Variants in ARL15 observed in about 807,000 individuals in gnomAD.
The protein encoded by ARL15 is ADP-ribosylation factor-like protein 15.
ARL15 carries 19 observed loss-of-function variants against 25.2 expected under a neutral mutation model. That is an observed-to-expected ratio of 0.75 (90% CI 0.53 to 1.10). The LOEUF (loss-of-function observed/expected upper bound fraction) is 1.10. Ranked by LOEUF, ARL15 falls within the 50% of genes least tolerant of loss-of-function variation. ARL15 has a pLI of 0.00. For synonymous variants in ARL15, 94 were observed against 86.8 expected (o/e 1.08, Z -0.46); for missense variants, 220 against 246.0 (o/e 0.89, Z 0.71).
At chr5:54,153,667 C>T (rs1310246863) in intron 3 of ARL15, among the ~76,000 whole-genome samples, 2 of 152,140 alleles carry the variant, frequency 1.3e-5, no homozygotes, top group Non-Finnish European at 2.9e-5. Flanking sequence ...CTGTCCTACA[C>T]ATAGCGAACT....
intron 1 of ARL15, among the ~76,000 whole-genome samples, chr5:54,297,889 C>T (rs35950): frequency 0.67 from 101,676 of 151,924 alleles, 34,835 homozygotes; most frequent in Non-Finnish European, 0.75. Context: ...TTCACGCCAT[C>T]CTCCTGCCTC....
intron 1 of ARL15, among the ~76,000 whole-genome samples, chr5:54,298,902 T>TC (rs1554053782): frequency 6.6e-6 from 1 of 151,176 alleles, no homozygotes; most frequent in African/African-American, 2.4e-5. Context: ...GGTTTTTTTT[T>TC]CCTTTGCATT....
chr5:54,291,046 G>A (rs575888915), intron 1 of ARL15, among the ~76,000 whole-genome samples: 5 of 152,308 alleles, frequency 3.3e-5, no homozygotes, highest in South Asian at 2.1e-4. Flanking sequence ...ACAGGAGAAC[G>A]TGGTCTAACA....
chr5:54,095,090 G>A (rs1369164069), intron 4 of ARL15, among the ~76,000 whole-genome samples: 1 of 152,094 alleles, frequency 6.6e-6, no homozygotes, highest in Non-Finnish European at 1.5e-5. Flanking sequence ...GGCTTGCATA[G>A]GACAGGGAAA....
At chr5:54,053,237 CAACAAACAACAACAA>C (rs1272815894) in intron 4 of ARL15, among the ~76,000 whole-genome samples, 2 of 151,666 alleles carry the variant, frequency 1.3e-5, no homozygotes, top group Non-Finnish European at 2.9e-5. Flanking sequence ...ACAACAACAA[CAACAAACAACAACAA>C]AACAAACAAA....
chr5:53,909,566 C>T (rs1323215081), intron 4 of ARL15, among the ~76,000 whole-genome samples: 12 of 152,196 alleles, frequency 7.9e-5, no homozygotes, highest in South Asian at 4.1e-4. Context: ...ATTAGCTGGG[C>T]GTGGTGGCGC....
Position 54,238,753 on chromosome 5 carries a change from A to C in ARL15, c.49-66825T>G, listed in dbSNP as rs77031187. On this transcript the variant is annotated intron_variant, in intron 1 of 4. Transcript: ENST00000504924. Reference sequence around the variant, plus strand: ...AACAGATCAGGTTGTTGTAATAAAGAATGTAATCAACTCATTTCATGAGCT... The same window carrying C: ...AACAGATCAGGTTGTTGTAATAAAGCATGTAATCAACTCATTTCATGAGCT... Among the ~76,000 whole-genome samples, 955 of 152,344 alleles carry C rather than the reference A, an allele frequency of 6.3e-3. 8 individuals are homozygous for C. The highest frequency in any genetic ancestry group is 0.022 in the African/African-American group (917 of 41,574).
At chr5:53,900,270 G>T (rs896722580) in intron 4 of ARL15, among the ~76,000 whole-genome samples, 2 of 152,192 alleles carry the variant, frequency 1.3e-5, no homozygotes, top group Non-Finnish European at 2.9e-5. Flanking sequence ...CAAGAAAACT[G>T]CAGGTGTGAT....
intron 1 of ARL15, among the ~76,000 whole-genome samples, chr5:54,279,255 AT>A (rs34236642): frequency 6.7e-5 from 10 of 150,288 alleles, no homozygotes; most frequent in South Asian, 2.1e-4. Flanking sequence ...ATTTACAAGA[AT>A]TTTTTTTTTC....
At chr5:54,253,755 TA>T (rs1196388059) in intron 1 of ARL15, among the ~76,000 whole-genome samples, 1 of 152,100 alleles carries the variant, frequency 6.6e-6, no homozygotes, top group African/African-American at 2.4e-5. Flanking sequence ...CACGTCCAGC[TA>T]ATTTTCCCAT....
intron 4 of ARL15, among the ~76,000 whole-genome samples, chr5:53,935,220 T>C (rs1032086710): frequency 6.6e-6 from 1 of 152,200 alleles, no homozygotes; most frequent in African/African-American, 2.4e-5. Flanking sequence ...AACATACTCA[T>C]AGCCTAACAC....
intron 1 of ARL15, among the ~76,000 whole-genome samples, chr5:54,222,208 T>C (rs948593737): frequency 1.3e-5 from 2 of 152,208 alleles, no homozygotes; most frequent in African/African-American, 4.8e-5. Context: ...TTAAAGAATA[T>C]ATTTAAGAAT....
intron 3 of ARL15, among the ~76,000 whole-genome samples, chr5:54,141,457 A>G (rs1753779931): frequency 6.6e-6 from 1 of 152,160 alleles, no homozygotes; most frequent in Non-Finnish European, 1.5e-5. Context: ...TCCACAAAAC[A>G]CAATTTCAAC....
chr5:53,889,853 C>T (rs1744658019), intron 4 of ARL15, among the ~76,000 whole-genome samples: 1 of 145,586 alleles, frequency 6.9e-6, no homozygotes, highest in Non-Finnish European at 1.5e-5. Context: ...GCTCTTGTTG[C>T]CCAGGCTGAA....
rs460425 is a variant in ARL15 at position 54,192,762 on chromosome 5, T to C, written c.49-20834A>G. ...CTGTTGAGAGAAAAAACAGAAAACGTAAGTGTCATGAAAGTAAGAAAACTT... is the reference window on the plus strand; with the variant it reads ...CTGTTGAGAGAAAAAACAGAAAACGCAAGTGTCATGAAAGTAAGAAAACTT... On this transcript the variant is annotated intron_variant, in intron 1 of 4. Transcript: ENST00000504924. Among the ~76,000 whole-genome samples, 4 of 152,126 alleles carry C rather than the reference T, an allele frequency of 2.6e-5. No individual in the cohort carries two copies. In the East Asian group the frequency reaches 7.7e-4, roughly 29 times the overall value.
intron 3 of ARL15, among the ~76,000 whole-genome samples, chr5:54,114,406 G>GAAAAAA (rs1171369744): frequency 0.014 from 1,067 of 74,456 alleles, 109 homozygotes; most frequent in African/African-American, 0.056. Flanking sequence ...TCCATCTCAA[G>GAAAAAA]AAAAAAAAAA....
chr5:54,231,791 G>C (rs1287978915), intron 1 of ARL15, among the ~76,000 whole-genome samples: 1 of 152,042 alleles, frequency 6.6e-6, no homozygotes, highest in Non-Finnish European at 1.5e-5. Flanking sequence ...GAGCTTTCTG[G>C]TGTTTTTAAA....
intron 1 of ARL15, among the ~76,000 whole-genome samples, chr5:54,206,054 G>A (rs1375344238): frequency 6.6e-6 from 1 of 152,064 alleles, no homozygotes; most frequent in Non-Finnish European, 1.5e-5. Flanking sequence ...ACCAGATTAA[G>A]AGAACTGGAC....
At chr5:54,010,867 T>C (rs1361048148) in intron 4 of ARL15, among the ~76,000 whole-genome samples, 2 of 151,706 alleles carry the variant, frequency 1.3e-5, no homozygotes, top group South Asian at 2.1e-4. Flanking sequence ...GGCTTGGTGG[T>C]GGGCGCCTGT....
Sources: gnomAD v4.1 joint callset for allele counts (sites outside exome capture counted in the v4.1 genomes callset) on GRCh38, gnomAD v4.1.1 for gene constraint, MANE v1.5 for transcripts, NCBI Gene and HGNC (gene_info 2026-07-23, HGNC 2026-07-21) for gene names.